ATRNL1: variants seen among roughly 807,000 people sequenced by gnomAD.
ATRNL1 encodes the protein attractin-like protein 1.
In ATRNL1, 95 loss-of-function variants were observed where a neutral mutation model predicts 182.7. That is an observed-to-expected ratio of 0.52 (90% confidence interval 0.44 to 0.62). ATRNL1 has a LOEUF of 0.62. Ranked by LOEUF, ATRNL1 falls within the 20% of genes least tolerant of loss-of-function variation. The pLI is 0.00. For missense variants in ATRNL1, 1,471 were observed against 1,679.5 expected, an observed-to-expected ratio of 0.88 and a Z score of 2.17; for synonymous variants, 576 against 568.3, an observed-to-expected ratio of 1.01 and a Z score of -0.19.
chr10:115,686,459 G>A (rs1555046360), intron 26 of ATRNL1, among the ~76,000 whole-genome samples: 3 of 151,982 alleles, frequency 2.0e-5, no homozygotes, highest in African/African-American at 7.2e-5. Flanking sequence ...GGTTTGGTAA[G>A]ACCTGCTATT....
chr10:115,392,008 G>A (rs1844052731), intron 19 of ATRNL1, among the ~76,000 whole-genome samples: 1 of 152,012 alleles, frequency 6.6e-6, no homozygotes, highest in African/African-American at 2.4e-5. Flanking sequence ...TAAAATTTAG[G>A]GTAGTGGTTA....
intron 20 of ATRNL1, among the ~76,000 whole-genome samples, chr10:115,415,445 C>T (rs1845342647): frequency 6.6e-6 from 1 of 150,982 alleles, no homozygotes; most frequent in Non-Finnish European, 1.5e-5. Context: ...TTCAGTGAGA[C>T]ATAAGTTGCA....
intron 26 of ATRNL1, among the ~76,000 whole-genome samples, chr10:115,719,509 G>A (rs1947354611): frequency 6.6e-6 from 1 of 152,138 alleles, no homozygotes; most frequent in Non-Finnish European, 1.5e-5. Context: ...ACAAAAACCA[G>A]GGATTGTCTA....
intron 26 of ATRNL1, among the ~76,000 whole-genome samples, chr10:115,721,570 G>A (rs548012115): frequency 6.6e-6 from 1 of 152,168 alleles, no homozygotes; most frequent in East Asian, 1.9e-4. Context: ...AGAATCAGAA[G>A]CAGAAACCCC....
chr10:115,480,240 CAG>C (rs1848706385), intron 24 of ATRNL1, among the ~76,000 whole-genome samples: 2 of 138,318 alleles, frequency 1.4e-5, no homozygotes, highest in African/African-American at 2.7e-5. Flanking sequence ...ACACACAAAA[CAG>C]AAAACTACTG....
chr10:115,849,993 A>G (rs1169318456), intron 28 of ATRNL1, among the ~76,000 whole-genome samples: 5 of 152,210 alleles, frequency 3.3e-5, no homozygotes, highest in South Asian at 2.1e-4. Context: ...GGATGAAACT[A>G]TGATGAGTAT....
At chr10:115,642,405 A>C (rs563521038) in intron 26 of ATRNL1, among the ~76,000 whole-genome samples, 13 of 152,140 alleles carry the variant, frequency 8.5e-5, no homozygotes, top group African/African-American at 3.1e-4. Flanking sequence ...AAATTGATCA[A>C]TAGATTCAAC....
chr10:115,236,517 TA>T (rs1850187772), intron 9 of ATRNL1, among the ~76,000 whole-genome samples: 1 of 152,238 alleles, frequency 6.6e-6, no homozygotes, highest in South Asian at 2.1e-4. Context: ...CCATTTAATA[TA>T]CCATATCTGG....
At chr10:115,099,527 G>C (rs939948600) in intron 1 of ATRNL1, among the ~76,000 whole-genome samples, 5 of 152,182 alleles carry the variant, frequency 3.3e-5, no homozygotes, top group Non-Finnish European at 7.3e-5. Context: ...TTCCAAAGTA[G>C]TTGTATCATT....
intron 26 of ATRNL1, among the ~76,000 whole-genome samples, chr10:115,641,064 A>T (rs2133856748): frequency 6.6e-6 from 1 of 152,252 alleles, no homozygotes; most frequent in East Asian, 1.9e-4. Context: ...TAGGAACAAA[A>T]TGCAGTTGCT....
intron 26 of ATRNL1, among the ~76,000 whole-genome samples, chr10:115,641,911 C>T (rs1167382279): frequency 2.6e-5 from 4 of 151,832 alleles, no homozygotes; most frequent in East Asian, 1.9e-4. Context: ...CTGATTTCAT[C>T]GTGATTATTA....
chr10:115,767,694 A>G (rs982836050), intron 27 of ATRNL1, among the ~76,000 whole-genome samples: 3 of 152,076 alleles, frequency 2.0e-5, no homozygotes, highest in African/African-American at 7.2e-5. Context: ...AACTTTCAAG[A>G]CGTCTATCAT....
chr10:115,928,469 C>T (rs1313948732), intron 28 of ATRNL1, among the ~76,000 whole-genome samples: 28 of 151,948 alleles, frequency 1.8e-4, no homozygotes, highest in Non-Finnish European at 2.9e-5. Context: ...GTAATTTGAA[C>T]AGAAAGTCAT....
At chr10:115,350,072 T>C (rs1440327051) in intron 19 of ATRNL1, among the ~76,000 whole-genome samples, 1 of 152,070 alleles carries the variant, frequency 6.6e-6, no homozygotes, top group Admixed American at 6.5e-5. Context: ...GCACAATGGC[T>C]CACGCCTGTA....
intron 8 of ATRNL1, among the ~76,000 whole-genome samples, chr10:115,179,039 A>G (rs1215746443): frequency 6.6e-6 from 1 of 152,094 alleles, no homozygotes; most frequent in Non-Finnish European, 1.5e-5. Flanking sequence ...CTTGATAAAT[A>G]TTTGTGGATG....
intron 26 of ATRNL1, among the ~76,000 whole-genome samples, chr10:115,721,686 A>G (rs1381923571): frequency 5.9e-5 from 9 of 152,178 alleles, no homozygotes; most frequent in Admixed American, 5.9e-4. Context: ...CTCCCACAAC[A>G]CGAGAGATTT....
At chr10:115,150,883 C>T (rs1320821525) in intron 5 of ATRNL1, among the ~76,000 whole-genome samples, 1 of 152,104 alleles carries the variant, frequency 6.6e-6, no homozygotes, top group Non-Finnish European at 1.5e-5. Flanking sequence ...CTCCCCCCAC[C>T]CCACGACAGG....
chr10:115,520,653 T>C (rs1413316874), intron 25 of ATRNL1, among the ~76,000 whole-genome samples: 4 of 152,208 alleles, frequency 2.6e-5, no homozygotes, highest in East Asian at 3.9e-4. Flanking sequence ...TAACAAATTG[T>C]TCTTTATAAC....
intron 27 of ATRNL1, among the ~76,000 whole-genome samples, chr10:115,771,059 C>G (rs979271009): frequency 7.9e-5 from 12 of 151,970 alleles, no homozygotes; most frequent in African/African-American, 2.7e-4. Context: ...AATTGAAGCT[C>G]ACAGTTAATA....
Sources: allele counts gnomAD v4.1 joint callset (sites outside exome capture counted in the v4.1 genomes callset), GRCh38; gene constraint gnomAD v4.1.1; transcripts MANE v1.5; gene names NCBI Gene and HGNC (gene_info 2026-07-23, HGNC 2026-07-21).